ZMPSTE24: variants seen among roughly 807,000 people sequenced by gnomAD.
ZMPSTE24 encodes the protein CAAX prenyl protease 1 homolog.
In ZMPSTE24, 48 loss-of-function variants were observed where a neutral mutation model predicts 56.7. The observed-to-expected ratio is 0.85, with a 90% confidence interval of 0.67 to 1.08. The LOEUF (loss-of-function observed/expected upper bound fraction) is 1.08, where lower values mean the gene tolerates loss of function less well. ZMPSTE24 is among the 50% of genes least tolerant of loss of function. The pLI is 0.00. For synonymous variants in ZMPSTE24, 172 were observed against 195.2 expected (o/e 0.88, Z 0.99); for missense variants, 503 against 548.7 (o/e 0.92, Z 0.83).
chr1:40,291,031 G>A, intron 9 of ZMPSTE24, 34 bp downstream of exon 9: 5 of 1,609,446 alleles, frequency 3.1e-6, no homozygotes, highest in Non-Finnish European at 4.2e-6. Flanking sequence ...TCACACATAT[G>A]CTCTTGCCTG....
At chr1:40,273,537 AATATATATATATATAT>A (rs71577619) in intron 6 of ZMPSTE24, among the ~76,000 whole-genome samples, 13 of 12,388 alleles carry the variant, frequency 1.0e-3, no homozygotes, top group Admixed American at 2.6e-3. Context: ...AAAAAAAAAA[AATATATATATATATAT>A]ATATATATAT....
At chr1:40,279,171 T>G (rs540893999) in intron 6 of ZMPSTE24, among the ~76,000 whole-genome samples, 1 of 152,328 alleles carries the variant, frequency 6.6e-6, no homozygotes, top group East Asian at 1.9e-4. Flanking sequence ...CTTCCAGTCT[T>G]TATAAAAATT....
chr1:40,259,693 C>G (rs1338562120), intron 1 of ZMPSTE24, among the ~76,000 whole-genome samples: 3 of 152,166 alleles, frequency 2.0e-5, no homozygotes, highest in African/African-American at 7.2e-5. Flanking sequence ...CAGCCTCGAA[C>G]TCGTGGGCTC....
At chr1:40,265,002 C>T (rs189200265) in intron 2 of ZMPSTE24, among the ~76,000 whole-genome samples, 6 of 151,542 alleles carry the variant, frequency 4.0e-5, no homozygotes, top group Non-Finnish European at 1.5e-5. Context: ...GTGAAATTGT[C>T]AACATAGAGA....
In ZMPSTE24 at chr1:40,279,489, ACT is replaced by A. The variant is rs559925393; in HGVS notation, c.770-1851_770-1850del. On this transcript the variant is annotated intron_variant, in intron 6 of 9. Transcript: ENST00000372759. The stretch of plus-strand genomic sequence containing the variant: ...CGTTTGCTTATTTCTGTAGGGTAAA[ACT>A]CTGTGCTTCGGGATTTGGCAAACTC... Among the ~76,000 whole-genome samples, 6 of 151,816 alleles carry A rather than the reference ACT, an allele frequency of 4.0e-5. 1 individual carries two copies. In the South Asian group the frequency reaches 6.2e-4, roughly 16 times the overall value.
At chr1:40,262,785 C>A in intron 2 of ZMPSTE24, 1 of 1,171,606 alleles carries the variant, frequency 8.5e-7, no homozygotes, top group Non-Finnish European at 1.1e-6. Flanking sequence ...TGTCTGACGG[C>A]TGAGTTTTGC....
At position 40,258,356 on chromosome 1, in the gene ZMPSTE24, A is replaced by T. The variant is rs1643459643; in HGVS notation, c.85A>T (p.Thr29Ser). Residue 29 changes from threonine to serine, a missense_variant, in exon 1 of 10, where the codon ACA becomes TCA. Transcript: ENST00000372759. ...CGGGGCCGTGCTGCTCTTTTCCTGG[A>T]CAGTGTATCTTTGGGAGACCTTCCT... ...IFGAVLLFSW[T>S]VYLWETFLAQ... is the part of the protein sequence containing the mutation. 1.2e-6 allele frequency: 2 copies of T among 1,614,034 alleles called. No individual in the cohort carries two copies. Among genetic ancestry groups the T allele is most frequent in the African/African-American group, 1.3e-5 (1 of 74,910 alleles).
intron 7 of ZMPSTE24, 53 bp downstream of exon 7, chr1:40,281,580 G>A: frequency 1.3e-6 from 2 of 1,559,540 alleles, no homozygotes; most frequent in Middle Eastern, 3.6e-4. Flanking sequence ...CACAGTTCCT[G>A]TGACAACTCA....
At chr1:40,269,826 T>G (rs1261857044) in intron 4 of ZMPSTE24, 149 bp from the exon 5 acceptor site, 2 of 898,134 alleles carry the variant, frequency 2.2e-6, no homozygotes, top group Admixed American at 5.6e-5. Context: ...ACCCATTGTC[T>G]TAAGCTGCCT....
chr1:40,282,995 TAG>T (rs1370141323), intron 7 of ZMPSTE24, among the ~76,000 whole-genome samples: 4 of 152,100 alleles, frequency 2.6e-5, no homozygotes, highest in Admixed American at 2.0e-4. Flanking sequence ...TACCCAAATG[TAG>T]AGAGTACCAG....
In ZMPSTE24 at chr1:40,258,401, C is replaced by T; in HGVS notation, c.123+7C>T. 4 of 1,613,980 alleles carry T rather than the reference C, an allele frequency of 2.5e-6. No homozygotes were observed. Among genetic ancestry groups the T allele is most frequent in the Non-Finnish European group, 3.4e-6 (4 of 1,180,020 alleles). On this transcript the variant is annotated splice_region_variant and intron_variant, in intron 1 of 9. Transcript: ENST00000372759. Reference sequence around the variant, plus strand: ...CTTCCTAGCACAGCGGCAGGTGAGCCTAGACAGGGTCCAACCTGACCCCCA... The same window carrying T: ...CTTCCTAGCACAGCGGCAGGTGAGCTTAGACAGGGTCCAACCTGACCCCCA...
intron 6 of ZMPSTE24, among the ~76,000 whole-genome samples, chr1:40,272,922 G>C (rs1013331913): frequency 6.6e-6 from 1 of 152,246 alleles, no homozygotes; most frequent in South Asian, 2.1e-4. Flanking sequence ...TTAGCTTTGC[G>C]GGCCACTTGT....
At chr1:40,263,042 A>G in intron 2 of ZMPSTE24, 3 of 947,112 alleles carry the variant, frequency 3.2e-6, no homozygotes, top group Non-Finnish European at 3.8e-6. Flanking sequence ...TTTACCCACT[A>G]CAGGGCCATA....
At chr1:40,261,875 A>G (rs1643501320) in intron 2 of ZMPSTE24, among the ~76,000 whole-genome samples, 1 of 152,010 alleles carries the variant, frequency 6.6e-6, no homozygotes, top group South Asian at 2.1e-4. Flanking sequence ...ACACCTGGCT[A>G]ATTTTTTGTA....
intron 1 of ZMPSTE24, among the ~76,000 whole-genome samples, chr1:40,260,185 C>G (rs1643482014): frequency 1.3e-5 from 2 of 151,104 alleles, no homozygotes; most frequent in Non-Finnish European, 3.0e-5. Flanking sequence ...CTCAGCCCCC[C>G]AAATAGCTGG....
At chr1:40,264,877 CAAAAAAAAAAAA>C (rs35889679) in intron 2 of ZMPSTE24, among the ~76,000 whole-genome samples, 3 of 53,266 alleles carry the variant, frequency 5.6e-5, no homozygotes, top group Non-Finnish European at 7.4e-5. Context: ...GATCCTGTCT[CAAAAAAAAAAAA>C]AAAAAAAAAA....
chr1:40,283,244 C>T (rs545351710), intron 7 of ZMPSTE24, among the ~76,000 whole-genome samples: 2 of 152,306 alleles, frequency 1.3e-5, no homozygotes, highest in East Asian at 3.9e-4. Context: ...TGGCCCATAC[C>T]TGTAATCCCA....
intron 6 of ZMPSTE24, among the ~76,000 whole-genome samples, chr1:40,277,964 CA>C (rs35695915): frequency 9.3e-3 from 448 of 48,318 alleles, no homozygotes; most frequent in Middle Eastern, 0.032. Flanking sequence ...GACTCCATCT[CA>C]AAAAAAAAAA....
Position 40,290,941 on chromosome 1 carries a change from C to T in ZMPSTE24, c.1147C>T (p.Pro383Ser). The change falls in exon 9 of 10, where the codon CCC becomes TCC. Residue 383 changes from proline (P) to serine (S), a missense_variant. Pro to Ser is a moderately conservative substitution (Grantham distance 74). Transcript: ENST00000372759. ...TGCATTTGGTTTTTATGATAGCCAA[C>T]CCACTCTTATTGGACTATTGATCAT... The part of the protein sequence containing the change: ...FAAFGFYDSQ[P>S]TLIGLLIIFQ... The T allele has an allele frequency of 7.4e-6, 12 of 1,614,032 alleles. No homozygotes were observed. The highest frequency in any genetic ancestry group is 1.6e-4 in the Middle Eastern group (1 of 6,062).
Sources: gnomAD v4.1 joint callset for allele counts (sites outside exome capture counted in the v4.1 genomes callset) on GRCh38, gnomAD v4.1.1 for gene constraint, MANE v1.5 for transcripts, NCBI Gene and HGNC (gene_info 2026-07-23, HGNC 2026-07-21) for gene names.